Variants in SLC35F4 observed in about 807,000 individuals in gnomAD.
The protein encoded by SLC35F4 is chromosome 14 open reading frame 36.
In SLC35F4, 24 loss-of-function variants were observed where a neutral mutation model predicts 44.2. That is an observed-to-expected ratio of 0.54 (90% CI 0.39 to 0.76). SLC35F4 has a LOEUF of 0.76. SLC35F4 is among the 30% of genes least tolerant of loss of function. SLC35F4 has a pLI of 0.00. For synonymous variants in SLC35F4, 238 were observed against 223.6 expected (o/e 1.06, Z -0.57); for missense variants, 562 against 586.1 (o/e 0.96, Z 0.42).
At chr14:57,655,208 A>G (rs891278998) in intron 1 of SLC35F4, among the ~76,000 whole-genome samples, 1 of 151,960 alleles carries the variant, frequency 6.6e-6, no homozygotes, top group South Asian at 2.1e-4. Flanking sequence ...CTTTTTTTAA[A>G]AAAAATACAA....
chr14:57,620,665 T>C (rs577976621), intron 1 of SLC35F4, among the ~76,000 whole-genome samples: 23 of 152,304 alleles, frequency 1.5e-4, no homozygotes, highest in Admixed American at 9.8e-4. Context: ...GGGTTTGTCA[T>C]AGATAGCTCT....
chr14:57,838,045 A>G (rs2140952813), intron 1 of SLC35F4, among the ~76,000 whole-genome samples: 1 of 152,320 alleles, frequency 6.6e-6, no homozygotes, highest in South Asian at 2.1e-4. Flanking sequence ...CTATAGGTAA[A>G]GTACTATGCT....
intron 1 of SLC35F4, among the ~76,000 whole-genome samples, chr14:57,765,717 A>T (rs2077219347): frequency 6.6e-6 from 1 of 152,358 alleles, no homozygotes; most frequent in East Asian, 1.9e-4. Context: ...CATAAATTAA[A>T]TGAGTTGCCA....
rs796852824 is a variant in SLC35F4 at position 57,934,543 on chromosome 14, C to A, written n.282+47370G>T. The stretch of plus-strand genomic sequence containing the variant: ...TGGTTCTCTAAATTTGAAAGTTTAA[C>A]CATCCAGGCTGACTTTTTTACAGCA... On this transcript the variant is annotated intron_variant and non_coding_transcript_variant, in intron 1 of 1. Coordinates refer to the SLC35F4 transcript ENST00000556568. Among the ~76,000 whole-genome samples the A allele has an allele frequency of 3.3e-5, 5 of 152,034 alleles. 1 individual carries two copies. The highest frequency in any genetic ancestry group is 1.2e-4 in the African/African-American group (5 of 41,466).
chr14:57,966,939 A>G (rs1880881588), intron 1 of SLC35F4, among the ~76,000 whole-genome samples: 2 of 151,984 alleles, frequency 1.3e-5, no homozygotes, highest in South Asian at 4.2e-4. Flanking sequence ...GAACCCAGGA[A>G]GCAGAGATTG....
rs1594884017 is a variant in SLC35F4 at position 57,569,773 on chromosome 14, C to T, written c.1126+15G>A. 3.2e-6 allele frequency: 5 copies of T among 1,571,918 alleles called. No homozygotes were observed. Among genetic ancestry groups the T allele is most frequent in the Non-Finnish European group, 4.3e-6 (5 of 1,163,728 alleles). On this transcript the variant is annotated intron_variant, in intron 6 of 7. Coordinates refer to ENST00000556826, the MANE Select transcript of SLC35F4 (RefSeq NM_001306087.2). ...TTGATATAGGGAATGGAAGGCAAAA[C>T]CCGAGGCCACTTACCCAGCCACAGC...
chr14:57,924,382 C>T (rs1889506009), intron 1 of SLC35F4, among the ~76,000 whole-genome samples: 1 of 151,982 alleles, frequency 6.6e-6, no homozygotes, highest in Non-Finnish European at 1.5e-5. Flanking sequence ...ACAGAGATAA[C>T]ATGCAAAAGA....
intron 1 of SLC35F4, among the ~76,000 whole-genome samples, chr14:57,863,039 T>C (rs1887815957): frequency 6.6e-6 from 1 of 152,206 alleles, no homozygotes; most frequent in South Asian, 2.1e-4. Flanking sequence ...AAAAAATGTT[T>C]AAATAAATAT....
chr14:57,629,351 A>C (rs1469713034), intron 1 of SLC35F4, among the ~76,000 whole-genome samples: 1 of 152,138 alleles, frequency 6.6e-6, no homozygotes, highest in East Asian at 1.9e-4. Context: ...TGAGAAATGA[A>C]AGGAGAAATA....
intron 1 of SLC35F4, among the ~76,000 whole-genome samples, chr14:57,735,877 A>C (rs994909511): frequency 6.6e-6 from 1 of 151,508 alleles, no homozygotes; most frequent in African/African-American, 2.4e-5. Context: ...GTGTGCCACC[A>C]CCCCCGGCTA....
At chr14:57,752,754 T>C (rs188095309) in intron 1 of SLC35F4, among the ~76,000 whole-genome samples, 79 of 152,302 alleles carry the variant, frequency 5.2e-4, no homozygotes, top group African/African-American at 1.7e-3. Flanking sequence ...CCACTGCACC[T>C]GGCCGGAAAG....
At chr14:57,886,446 T>C (rs1476893065) in intron 1 of SLC35F4, among the ~76,000 whole-genome samples, 1 of 152,196 alleles carries the variant, frequency 6.6e-6, no homozygotes, top group Non-Finnish European at 1.5e-5. Flanking sequence ...TCTGTCTCTC[T>C]CCTAAACTTC....
At chr14:57,663,271 A>G (rs1281816519) in intron 1 of SLC35F4, among the ~76,000 whole-genome samples, 1 of 152,214 alleles carries the variant, frequency 6.6e-6, no homozygotes, top group Non-Finnish European at 1.5e-5. Flanking sequence ...TCAAAAACAT[A>G]TAGTAGAACA....
intron 1 of SLC35F4, among the ~76,000 whole-genome samples, chr14:57,940,749 C>T (rs1889902168): frequency 6.6e-6 from 1 of 152,204 alleles, no homozygotes; most frequent in South Asian, 2.1e-4. Context: ...CCCAGAACTG[C>T]CCTTGCATCT....
intron 1 of SLC35F4, among the ~76,000 whole-genome samples, chr14:57,650,178 T>C (rs931685730): frequency 8.5e-5 from 13 of 152,074 alleles, no homozygotes; most frequent in African/African-American, 2.9e-4. Flanking sequence ...CTCTGAGAGA[T>C]CTCATTCGGG....
At position 57,824,504 on chromosome 14, in the gene SLC35F4, A is replaced by G. The variant is rs1006288766; in HGVS notation, c.103+41219T>C. On this transcript the variant is annotated intron_variant, in intron 1 of 7. Coordinates refer to ENST00000556826, the MANE Select transcript of SLC35F4 (RefSeq NM_001306087.2). ...GATGATTGATAAACAGATGATAGAG[A>G]CATGTAATATGTTTGATGATGACAA... Among the ~76,000 whole-genome samples, 15 of 152,328 alleles carry G rather than the reference A, an allele frequency of 9.8e-5. No homozygotes were observed. In the Middle Eastern group the frequency reaches 0.01, roughly 104 times the overall value.
At chr14:57,916,618 G>A (rs1483742940) in intron 1 of SLC35F4, among the ~76,000 whole-genome samples, 1 of 152,038 alleles carries the variant, frequency 6.6e-6, no homozygotes, top group East Asian at 1.9e-4. Context: ...TCATGCATAT[G>A]TTACAACTTT....
chr14:57,834,755 C>T (rs893125670), intron 1 of SLC35F4, among the ~76,000 whole-genome samples: 1 of 152,232 alleles, frequency 6.6e-6, no homozygotes, highest in Non-Finnish European at 1.5e-5. Context: ...CACAGTGGCT[C>T]ATGCCTGTAA....
At chr14:57,745,386 A>C in intron 1 of SLC35F4, among the ~76,000 whole-genome samples, 1 of 152,238 alleles carries the variant, frequency 6.6e-6, no homozygotes, top group East Asian at 1.9e-4. Context: ...CAAACGTAAA[A>C]GAAAAAATCA....
Sources: allele counts gnomAD v4.1 joint callset (sites outside exome capture counted in the v4.1 genomes callset), GRCh38; gene constraint gnomAD v4.1.1; transcripts MANE v1.5; gene names NCBI Gene and HGNC (gene_info 2026-07-23, HGNC 2026-07-21).